Variants in NCOR2 observed in about 807,000 individuals in gnomAD.
NCOR2 encodes nuclear receptor corepressor 2, also known as CTG repeat protein 26.
In NCOR2, 81 loss-of-function variants were observed where a neutral mutation model predicts 262.9. The observed-to-expected ratio is 0.31, with a 90% CI of 0.26 to 0.37. NCOR2 has a LOEUF of 0.37. Among genes scored for constraint, NCOR2 ranks in the 10% least tolerant of loss-of-function variants. NCOR2 has a pLI of 1.00. For missense variants in NCOR2, 3,385 were observed against 3,621.4 expected (o/e 0.93, Z 1.68); for synonymous variants, 1,659 against 1,559.3 (o/e 1.06, Z -1.51).
At chr12:124,507,412 G>A (rs1321706374) in intron 1 of NCOR2, among the ~76,000 whole-genome samples, 1 of 152,224 alleles carries the variant, frequency 6.6e-6, no homozygotes, top group Non-Finnish European at 1.5e-5. Context: ...GATTGCTAGT[G>A]TTGTGCTTGT....
chr12:124,480,330 A>G (rs2047382471), intron 3 of NCOR2, among the ~76,000 whole-genome samples: 1 of 152,210 alleles, frequency 6.6e-6, no homozygotes, highest in Non-Finnish European at 1.5e-5. Flanking sequence ...AACAAGGATT[A>G]GGATGCCACC....
chr12:124,550,580 C>CT (rs2051684505), intron 1 of NCOR2, among the ~76,000 whole-genome samples: 1 of 152,182 alleles, frequency 6.6e-6, no homozygotes, highest in African/African-American at 2.4e-5. Flanking sequence ...CAGTCTCTCT[C>CT]TGGGGGGTAG....
At chr12:124,540,186 C>T (rs1158928334), upstream of NCOR2, among the ~76,000 whole-genome samples, 1 of 139,982 alleles carries the variant, frequency 7.1e-6, no homozygotes, top group Non-Finnish European at 1.6e-5. Context: ...CCTGGAGTGA[C>T]GGACATAAAC....
chr12:124,427,807 G>T (rs2043642951), intron 10 of NCOR2, among the ~76,000 whole-genome samples: 1 of 152,180 alleles, frequency 6.6e-6, no homozygotes, highest in African/African-American at 2.4e-5. Context: ...CCCTCCCACA[G>T]CTGCCTTCCT....
rs567750351 is a variant in NCOR2, at chr12:124,515,585, G to A, written c.-118+19980C>T. ...TGTGTGAGTGTGTGTGTGCATGTGC[G>A]CATGTATCTGTGTGGGTGTCTGCAT... On this transcript the variant is annotated intron_variant, in intron 1 of 46. Transcript: ENST00000404621. Among the ~76,000 whole-genome samples, 12 of 152,268 alleles carry A rather than the reference G, an allele frequency of 7.9e-5. No individual in the cohort carries two copies. The East Asian group carries it at 1.5e-3, about 20-fold the overall frequency.
intron 17 of NCOR2, among the ~76,000 whole-genome samples, chr12:124,379,950 T>C (rs1593290607): frequency 6.6e-6 from 1 of 152,232 alleles, no homozygotes; most frequent in Non-Finnish European, 1.5e-5. Context: ...GAGGCTCCCC[T>C]GCAGCCTTGA....
intron 8 of NCOR2, among the ~76,000 whole-genome samples, chr12:124,431,179 G>A (rs2043895995): frequency 7.1e-6 from 1 of 139,872 alleles, no homozygotes; most frequent in African/African-American, 3.0e-5. Flanking sequence ...GATACACAAA[G>A]TCACACAGAC....
At chr12:124,500,200 C>T (rs544539065), upstream of NCOR2, among the ~76,000 whole-genome samples, 3 of 152,262 alleles carry the variant, frequency 2.0e-5, no homozygotes, top group South Asian at 2.1e-4. Flanking sequence ...CCAAGCAGGC[C>T]TCTGCACATC....
At chr12:124,473,073 T>C (rs1220400844) in exon 4 of NCOR2, 1 of 1,613,936 alleles carries the variant, frequency 6.2e-7, no homozygotes, top group Non-Finnish European at 8.5e-7. Context: ...CAGCTCAGGG[T>C]CAGTGTGCGG....
chr12:124,486,428 A>G lies in NCOR2; in HGVS notation c.233+13T>C. Reference sequence around the variant, plus strand: ...TCACGCCCTGGACAGGGAGGCAGCAACTCTCTCCTCACCGTTCATTCCCGG... The same window carrying G: ...TCACGCCCTGGACAGGGAGGCAGCAGCTCTCTCCTCACCGTTCATTCCCGG... On this transcript the variant is annotated intron_variant, in intron 2 of 46. Coordinates refer to ENST00000405201, the Ensembl canonical transcript of NCOR2. 6.2e-7 allele frequency: 1 copy of G among 1,612,042 alleles called. No individual in the cohort carries two copies. The highest frequency in any genetic ancestry group is 1.3e-5 in the African/African-American group (1 of 74,950).
At chr12:124,382,212 T>C (rs1456511409) in intron 17 of NCOR2, among the ~76,000 whole-genome samples, 1 of 152,338 alleles carries the variant, frequency 6.6e-6, no homozygotes, top group Non-Finnish European at 1.5e-5. Flanking sequence ...GCGGCACCTC[T>C]CCTGGTGAGA....
upstream of NCOR2, among the ~76,000 whole-genome samples, chr12:124,540,396 C>T (rs951789212): frequency 8.0e-6 from 1 of 125,406 alleles, no homozygotes; most frequent in African/African-American, 3.2e-5. Context: ...GAAGCTGGGG[C>T]AGCCAGAGGG....
At chr12:124,565,465 T>C (rs113634180) in intron 1 of NCOR2, among the ~76,000 whole-genome samples, 2 of 152,074 alleles carry the variant, frequency 1.3e-5, no homozygotes, top group Non-Finnish European at 2.9e-5. Flanking sequence ...ATCTGTTCAA[T>C]GGGCGGGGGC....
chr12:124,402,643 C>A (rs906301), intron 13 of NCOR2, 82 bp from the exon 16 acceptor site: 212,758 of 1,533,972 alleles, frequency 0.14, 15,765 homozygotes, highest in East Asian at 0.19. Flanking sequence ...CTGGGCTCAG[C>A]CTGAGCTGGG....
chr12:124,454,911 G>A lies in NCOR2; in HGVS notation c.762+2195C>T, dbSNP rs765745567. 1.6e-3 allele frequency among the ~76,000 whole-genome samples: 250 copies of A among 152,200 alleles called. No individual in the cohort carries two copies. Among genetic ancestry groups the A allele is most frequent in the Non-Finnish European group, 1.7e-3 (119 of 68,018 alleles). ...ATATGCAAACAATCTCACGTCCACC[G>A]ACTGATGAGTGGGTAAACAACACGT... On this transcript the variant is annotated intron_variant, in intron 6 of 46. Transcript: ENST00000405201. The surrounding 1 kb of genome is among the most constrained non-coding windows in gnomAD (Gnocchi z 5.6).
rs563171444 is a variant in NCOR2 at position 124,326,106 on chromosome 12, C to T, written c.7363+85G>A. The T allele has an allele frequency of 1.0e-4, 139 of 1,330,564 alleles. No homozygotes were observed. In the East Asian group the frequency reaches 1.9e-3, roughly 18 times the overall value. 82.4% of individuals were successfully genotyped at this position (1,330,564 alleles called of 1,614,324 possible). ...GAGTCTGAGCTCTGCATGCAGCAGGCGCTCAGCATTCAGTGCCCCGGCAGC... is the reference window on the plus strand; with the variant it reads ...GAGTCTGAGCTCTGCATGCAGCAGGTGCTCAGCATTCAGTGCCCCGGCAGC... On this transcript the variant is annotated intron_variant, in intron 46 of 46. Transcript: ENST00000405201.
intron 1 of NCOR2, among the ~76,000 whole-genome samples, chr12:124,490,435 TG>T (rs2048021637): frequency 3.3e-5 from 5 of 151,782 alleles, no homozygotes; most frequent in African/African-American, 9.7e-5. Flanking sequence ...GATGGATGGA[TG>T]GATGGATGGA....
At chr12:124,413,844 A>G (rs1237214384) in intron 13 of NCOR2, among the ~76,000 whole-genome samples, 1 of 152,094 alleles carries the variant, frequency 6.6e-6, no homozygotes, top group East Asian at 1.9e-4. Flanking sequence ...AGAAAGAGAC[A>G]GTGGCCAGCT....
intron 37 of NCOR2, among the ~76,000 whole-genome samples, chr12:124,338,648 T>C (rs1177141254): frequency 6.6e-6 from 1 of 152,010 alleles, no homozygotes; most frequent in Non-Finnish European, 1.5e-5. Context: ...TCAGAGAAAC[T>C]TGGGACTTTG....
Sources: allele counts gnomAD v4.1 joint callset (sites outside exome capture counted in the v4.1 genomes callset), GRCh38; gene constraint gnomAD v4.1.1; non-coding constraint Gnocchi (gnomAD v3.1); transcripts MANE v1.5; gene names NCBI Gene and HGNC (gene_info 2026-07-23, HGNC 2026-07-21).